Variants in TENM1 observed in about 807,000 individuals in gnomAD.
The protein encoded by TENM1 is teneurin transmembrane protein 1.
TENM1 carries 35 observed loss-of-function variants against 174.8 expected under a neutral mutation model. That is an observed-to-expected ratio of 0.20 (90% CI 0.15 to 0.27). TENM1 has a LOEUF of 0.27. TENM1 is among the 10% of genes least tolerant of loss of function. The probability of loss-of-function intolerance (pLI) is 1.00; values close to 1 mark genes in which losing one functional copy is unlikely to be tolerated. For synonymous variants in TENM1, 781 were observed against 798.7 expected, an observed-to-expected ratio of 0.98 and a Z score of 0.37; for missense variants, 1,633 against 2,130.1, an observed-to-expected ratio of 0.77 and a Z score of 4.59.
intron 11 of TENM1, among the ~76,000 whole-genome samples, chrX:124,595,628 C>T (rs756538537): frequency 9.0e-6 from 1 of 111,515 alleles, no homozygotes; most frequent in South Asian, 3.8e-4. Context: ...TTTACTTGGT[C>T]GGCTCTTATA....
chrX:124,934,936 AT>A (rs1163444778), intron 1 of TENM1, among the ~76,000 whole-genome samples: 2 of 110,555 alleles, frequency 1.8e-5, no homozygotes, highest in Non-Finnish European at 3.8e-5. Flanking sequence ...ATCGTTTCAC[AT>A]TGTTCACTGT....
intron 4 of TENM1, among the ~76,000 whole-genome samples, chrX:124,729,965 G>A (rs2053528257): frequency 9.0e-6 from 1 of 111,268 alleles, no homozygotes; most frequent in African/African-American, 3.3e-5. Context: ...CTCCCCGCCG[G>A]TTCAAGCGAT....
chrX:124,850,682 T>C (rs2056701425), intron 3 of TENM1, among the ~76,000 whole-genome samples: 1 of 110,703 alleles, frequency 9.0e-6, no homozygotes. Context: ...ATTAAAGTCC[T>C]ACCACAAAGC....
At chrX:124,587,252 C>G (rs1350753737) in intron 11 of TENM1, among the ~76,000 whole-genome samples, 1 of 110,549 alleles carries the variant, frequency 9.0e-6, no homozygotes, top group Admixed American at 9.6e-5. Context: ...GCCAAATGAA[C>G]AAAGCTGGAG....
chrX:125,091,514 A>G, the TENM1 span, among the ~76,000 whole-genome samples: 4 of 111,823 alleles, frequency 3.6e-5, no homozygotes, highest in South Asian at 3.8e-4. Context: ...TGTTAAGCAA[A>G]TACCACCAGG....
Position 124,526,118 on chromosome X carries a change from T to C in TENM1, c.2772-2493A>G, listed in dbSNP as rs141452031. Among the ~76,000 whole-genome samples, 701 of 111,773 alleles carry C rather than the reference T, an allele frequency of 6.3e-3. 3 individuals carry two copies. The highest frequency in any genetic ancestry group is 0.022 in the African/African-American group (665 of 30,734). On this transcript the variant is annotated intron_variant, in intron 16 of 31. Coordinates refer to ENST00000422452, the Ensembl canonical transcript of TENM1. ...ATTTAATGAAACACCAATCTAGGTA[T>C]TGCTGTGGAGGTCTTTCGGAGATGT...
At chrX:124,642,015 G>A (rs1445984088) in intron 10 of TENM1, 24 bp from the exon 14 acceptor site, 1 of 1,150,142 alleles carries the variant, frequency 8.7e-7, no homozygotes, top group Non-Finnish European at 1.2e-6. Flanking sequence ...AAAGTGGGGG[G>A]GAGGGGTGAT....
At position 124,531,535 on chromosome X, in the gene TENM1, G is replaced by A. The variant is rs755144776; in HGVS notation, c.2652-1552C>T. On this transcript the variant is annotated intron_variant, in intron 15 of 31. Coordinates refer to ENST00000422452, the Ensembl canonical transcript of TENM1. ...AAAGTTACAAGCCATTAAGTATTAC[G>A]CAAAGTAAGCGAGTGTAATTGTTGC... is the stretch of plus-strand genomic sequence containing the variant. Among the ~76,000 whole-genome samples the A allele has an allele frequency of 5.3e-5, 6 of 112,164 alleles. No individual in the cohort carries two copies. The South Asian group carries it at 1.5e-3, about 28-fold the overall frequency.
intron 1 of TENM1, among the ~76,000 whole-genome samples, chrX:124,898,423 G>C (rs1295887326): frequency 9.0e-6 from 1 of 110,747 alleles, no homozygotes; most frequent in African/African-American, 3.3e-5. Flanking sequence ...ACAAGAAAGG[G>C]AGTTTTTGCT....
the TENM1 span, among the ~76,000 whole-genome samples, chrX:125,181,365 A>G: frequency 1.8e-5 from 2 of 111,693 alleles, no homozygotes; most frequent in African/African-American, 6.5e-5. Context: ...CACTCAAGCT[A>G]CAGCATTTTT....
chrX:125,087,142 C>T, the TENM1 span, among the ~76,000 whole-genome samples: 2 of 110,555 alleles, frequency 1.8e-5, no homozygotes, highest in East Asian at 5.6e-4. Context: ...TATAGATAGG[C>T]AGGATATGTA....
intron 3 of TENM1, among the ~76,000 whole-genome samples, chrX:124,781,153 C>A (rs2054900895): frequency 9.0e-6 from 1 of 111,483 alleles, no homozygotes; most frequent in Non-Finnish European, 1.9e-5. Context: ...TTTTGTTTGT[C>A]TCATTAAATA....
chrX:124,937,652 T>C (rs955102477), intron 1 of TENM1, among the ~76,000 whole-genome samples: 22 of 112,169 alleles, frequency 2.0e-4, no homozygotes, highest in Non-Finnish European at 3.2e-4. Context: ...CAGCATCAGA[T>C]GCATATATTT....
intron 23 of TENM1, among the ~76,000 whole-genome samples, chrX:124,437,609 T>C (rs995625217): frequency 9.8e-5 from 11 of 112,115 alleles, no homozygotes; most frequent in African/African-American, 3.6e-4. Flanking sequence ...AAATGGTTCA[T>C]GAAGTTGCCC....
At chrX:124,548,055 G>C (rs1052975580) in intron 14 of TENM1, among the ~76,000 whole-genome samples, 3 of 111,541 alleles carry the variant, frequency 2.7e-5, no homozygotes, top group African/African-American at 9.8e-5. Flanking sequence ...CCAGGATGGT[G>C]TCCATCTCCT....
At chrX:124,875,873 C>CAAAAA (rs60294401) in intron 3 of TENM1, among the ~76,000 whole-genome samples, 4 of 56,766 alleles carry the variant, frequency 7.0e-5, no homozygotes, top group Admixed American at 2.3e-4. Flanking sequence ...GAGACTGTCT[C>CAAAAA]AAAAAAAAAA....
intron 23 of TENM1, among the ~76,000 whole-genome samples, chrX:124,438,921 C>T (rs1286617866): frequency 1.8e-5 from 2 of 111,704 alleles, no homozygotes; most frequent in African/African-American, 6.5e-5. Flanking sequence ...ATGAACTCTG[C>T]GGATAGTCTC....
chrX:125,005,408 TG>T, the TENM1 span, among the ~76,000 whole-genome samples: 1,233 of 30,537 alleles, frequency 0.04, 5 homozygotes, highest in East Asian at 0.12. Context: ...CTGACTTGGT[TG>T]TGTGTGTGTG....
intron 18 of TENM1, among the ~76,000 whole-genome samples, chrX:124,518,925 G>T (rs772090547): frequency 3.6e-5 from 4 of 112,027 alleles, no homozygotes; most frequent in Non-Finnish European, 7.5e-5. Flanking sequence ...GGGTGTTCTG[G>T]ACTGCACAGT....
Sources: gnomAD v4.1 joint callset for allele counts (sites outside exome capture counted in the v4.1 genomes callset) on GRCh38, gnomAD v4.1.1 for gene constraint, MANE v1.5 for transcripts, NCBI Gene and HGNC (gene_info 2026-07-23, HGNC 2026-07-21) for gene names.